UTRN: variants seen among roughly 807,000 people sequenced by gnomAD.
The protein encoded by UTRN is dystrophin-related protein 1.
A neutral mutation model predicts 463.9 loss-of-function variants in UTRN; 283 were observed. The observed-to-expected ratio is 0.61, with a 90% CI of 0.55 to 0.67. UTRN has a LOEUF of 0.67. UTRN is among the 30% of genes least tolerant of loss of function. The probability of loss-of-function intolerance (pLI) is 0.00; values close to 1 mark genes in which losing one functional copy is unlikely to be tolerated. For synonymous variants in UTRN, 1,442 were observed against 1,431.5 expected (o/e 1.01, Z -0.17); for missense variants, 3,922 against 4,084.3 (o/e 0.96, Z 1.08).
chr6:144,609,878 CAA>C (rs1397776452), intron 51 of UTRN, among the ~76,000 whole-genome samples: 1 of 151,618 alleles, frequency 6.6e-6, no homozygotes, highest in East Asian at 1.9e-4. Context: ...TGCCTTCAGA[CAA>C]AGAAAAATGG....
At chr6:144,645,464 G>A (rs971942906) in intron 51 of UTRN, among the ~76,000 whole-genome samples, 2 of 152,088 alleles carry the variant, frequency 1.3e-5, no homozygotes, top group Non-Finnish European at 2.9e-5. Context: ...CAATTTAGAA[G>A]GAACAGAGAA....
At chr6:144,384,133 C>T (rs368297961) in intron 2 of UTRN, among the ~76,000 whole-genome samples, 1 of 151,912 alleles carries the variant, frequency 6.6e-6, no homozygotes. Context: ...GTTATATAAC[C>T]ATCACTACCA....
At chr6:144,782,512 C>T (rs1562903619) in intron 61 of UTRN, among the ~76,000 whole-genome samples, 1 of 151,892 alleles carries the variant, frequency 6.6e-6, no homozygotes, top group Non-Finnish European at 1.5e-5. Flanking sequence ...AATTTATTAG[C>T]TCATAATAAT....
chr6:144,414,122 T>C (rs1784162955), intron 3 of UTRN, among the ~76,000 whole-genome samples: 1 of 149,670 alleles, frequency 6.7e-6, no homozygotes, highest in South Asian at 2.1e-4. Flanking sequence ...AGGGTACTCC[T>C]ACTCATTAAA....
chr6:144,557,210 C>T lies in UTRN; in HGVS notation c.7188C>T (p.Asn2396=), dbSNP rs755942389. Residue 2396 remains asparagine (N), a synonymous_variant, in exon 50 of 75, where the codon AAC becomes AAT. Transcript: ENST00000367545. ...PGDGIVMAFD[N]VLQKLLEEYG... is the part of the protein sequence containing the mutation. The stretch of plus-strand genomic sequence containing the variant: ...ATGGTATCGTCATGGCGTTCGATAA[C>T]GTCCTGCAGAAACTCCTGGAGGAAT... The T allele has an allele frequency of 1.2e-5, 20 of 1,613,940 alleles. No individual in the cohort carries two copies. In the East Asian group the frequency reaches 1.3e-4, roughly 11 times the overall value.
chr6:144,331,604 C>G (rs941702791), intron 2 of UTRN, among the ~76,000 whole-genome samples: 1 of 152,176 alleles, frequency 6.6e-6, no homozygotes, highest in African/African-American at 2.4e-5. Context: ...TTGGTTCGTT[C>G]ACTGTCATTT....
intron 2 of UTRN, among the ~76,000 whole-genome samples, chr6:144,295,867 T>C (rs1487055572): frequency 6.6e-6 from 1 of 152,222 alleles, no homozygotes; most frequent in African/African-American, 2.4e-5. Flanking sequence ...CTTCTTTCTA[T>C]TTCTCCAAAG....
At chr6:144,766,337 C>G (rs533254502) in intron 58 of UTRN, among the ~76,000 whole-genome samples, 2 of 152,002 alleles carry the variant, frequency 1.3e-5, no homozygotes, top group African/African-American at 4.8e-5. Context: ...TTTGTTTTCA[C>G]TCTTCATACT....
chr6:144,607,148 A>G (rs564845134), intron 51 of UTRN, among the ~76,000 whole-genome samples: 1 of 152,360 alleles, frequency 6.6e-6, no homozygotes, highest in East Asian at 1.9e-4. Context: ...ATGAGAATCA[A>G]TGTTGAGCCA....
intron 28 of UTRN, among the ~76,000 whole-genome samples, chr6:144,486,666 C>T (rs1440765955): frequency 6.6e-6 from 1 of 152,192 alleles, no homozygotes. Context: ...GGATCACAGG[C>T]GTGTGCCACT....
chr6:144,811,427 G>C (rs965016361), intron 65 of UTRN, among the ~76,000 whole-genome samples: 3 of 152,106 alleles, frequency 2.0e-5, no homozygotes, highest in Non-Finnish European at 2.9e-5. Context: ...TCCTGAAGTG[G>C]TGTTTCAGCT....
rs397728533 is a variant in UTRN at position 144,774,421 on chromosome 6, T to TC, written c.8632+59dup. ...TTACTTGAATTGCGTTTTTTTTTTT[T>TC]CCAAGAGGAAGATAAATGAAGAGGA... On this transcript the variant is annotated intron_variant, in intron 60 of 74. Coordinates refer to ENST00000367545, the MANE Select transcript of UTRN (RefSeq NM_007124.3). 5.5e-6 allele frequency: 8 copies of TC among 1,448,634 alleles called. No homozygotes were observed. In the East Asian group the frequency reaches 1.2e-4, roughly 21 times the overall value. 89.7% of individuals were successfully genotyped at this position (1,448,634 alleles called of 1,614,324 possible).
chr6:144,662,142 G>A (rs1175246334), intron 51 of UTRN, among the ~76,000 whole-genome samples: 1 of 152,062 alleles, frequency 6.6e-6, no homozygotes, highest in African/African-American at 2.4e-5. Flanking sequence ...TGTGAAAGTT[G>A]ATCTCTTTGG....
intron 53 of UTRN, among the ~76,000 whole-genome samples, chr6:144,723,177 C>T (rs1787398137): frequency 1.3e-5 from 2 of 152,090 alleles, no homozygotes; most frequent in Non-Finnish European, 2.9e-5. Context: ...AGGATATTTG[C>T]TATTACTAAA....
intron 51 of UTRN, among the ~76,000 whole-genome samples, chr6:144,653,807 AT>A (rs1312416731): frequency 6.6e-6 from 1 of 152,182 alleles, no homozygotes; most frequent in East Asian, 1.9e-4. Flanking sequence ...AGTTATATGC[AT>A]TTTAACATTT....
At chr6:144,533,878 A>G (rs1239656008) in intron 43 of UTRN, among the ~76,000 whole-genome samples, 1 of 152,094 alleles carries the variant, frequency 6.6e-6, no homozygotes, top group Admixed American at 6.5e-5. Flanking sequence ...ATTATTTGAC[A>G]TTATTTTCTG....
intron 2 of UTRN, among the ~76,000 whole-genome samples, chr6:144,304,559 A>G (rs1805546988): frequency 1.3e-5 from 2 of 152,326 alleles, no homozygotes; most frequent in Admixed American, 6.5e-5. Flanking sequence ...CAGGGCTTCA[A>G]GGAAGGCATC....
At position 144,293,656 on chromosome 6, in the gene UTRN, C is replaced by T. The variant is rs751556242; in HGVS notation, c.79+1749C>T. 3.9e-5 allele frequency among the ~76,000 whole-genome samples: 6 copies of T among 152,054 alleles called. 1 individual carries two copies. Among genetic ancestry groups the T allele is most frequent in the Non-Finnish European group, 7.4e-5 (5 of 67,946 alleles). On this transcript the variant is annotated intron_variant, in intron 2 of 74. Transcript: ENST00000367545. Reference sequence around the variant, plus strand: ...ATCTAATATTAGGAATTGGTTAGATCATTATTTCCCAAAGTATTTCGAAAA... The same window carrying T: ...ATCTAATATTAGGAATTGGTTAGATTATTATTTCCCAAAGTATTTCGAAAA...
At chr6:144,604,460 T>A (rs1804604685) in intron 51 of UTRN, among the ~76,000 whole-genome samples, 1 of 152,204 alleles carries the variant, frequency 6.6e-6, no homozygotes, top group Admixed American at 6.5e-5. Flanking sequence ...CTAATATAAT[T>A]TGTTTAAACT....
Sources: allele counts gnomAD v4.1 joint callset (sites outside exome capture counted in the v4.1 genomes callset), GRCh38; gene constraint gnomAD v4.1.1; transcripts MANE v1.5; gene names NCBI Gene and HGNC (gene_info 2026-07-23, HGNC 2026-07-21).